The following SUGCT variants were observed in gnomAD, a reference collection of about 807,000 sequenced individuals.
SUGCT encodes succinyl-CoA:glutarate-CoA transferase.
A neutral mutation model predicts 55.0 loss-of-function variants in SUGCT; 41 were observed. The ratio of observed to expected loss-of-function variants is 0.74; its 90% CI spans 0.58 to 0.97. SUGCT has a LOEUF of 0.97. SUGCT is among the 50% of genes least tolerant of loss of function. SUGCT has a pLI of 0.00. For missense variants in SUGCT, 568 were observed against 547.8 expected (o/e 1.04, Z -0.37); for synonymous variants, 187 against 200.4 (o/e 0.93, Z 0.56).
intron 12 of SUGCT, among the ~76,000 whole-genome samples, chr7:40,673,873 A>T (rs775805253): frequency 6.6e-6 from 1 of 152,182 alleles, no homozygotes; most frequent in Non-Finnish European, 1.5e-5. Flanking sequence ...TCTTCCCTCA[A>T]TTATACAAAG....
intron 12 of SUGCT, among the ~76,000 whole-genome samples, chr7:40,681,969 C>T (rs1784265578): frequency 1.3e-5 from 2 of 152,098 alleles, no homozygotes; most frequent in Non-Finnish European, 2.9e-5. Context: ...AAAAACAAGT[C>T]AGGGGTGCAT....
chr7:40,382,913 G>C (rs2151285765), intron 9 of SUGCT, among the ~76,000 whole-genome samples: 1 of 152,234 alleles, frequency 6.6e-6, no homozygotes, highest in Non-Finnish European at 1.5e-5. Context: ...TGTCTGCTTT[G>C]TAAGATTTCA....
At chr7:40,205,532 T>C (rs1396232464) in intron 6 of SUGCT, among the ~76,000 whole-genome samples, 1 of 149,058 alleles carries the variant, frequency 6.7e-6, no homozygotes, top group Non-Finnish European at 1.5e-5. Context: ...TGCCAACTCC[T>C]TGGGAGGCTG....
chr7:40,894,160 T>C, the SUGCT span, among the ~76,000 whole-genome samples: 1 of 150,382 alleles, frequency 6.6e-6, no homozygotes, highest in South Asian at 2.1e-4. Flanking sequence ...CAGAATAGAG[T>C]CCAGAAATAA....
chr7:40,866,682 C>T, the SUGCT span, among the ~76,000 whole-genome samples: 1 of 151,782 alleles, frequency 6.6e-6, no homozygotes, highest in Admixed American at 6.6e-5. Flanking sequence ...CACCTCCAAG[C>T]CCACGTTTCC....
At chr7:40,756,010 G>T (rs1274135006) in intron 13 of SUGCT, among the ~76,000 whole-genome samples, 1 of 152,140 alleles carries the variant, frequency 6.6e-6, no homozygotes, top group Non-Finnish European at 1.5e-5. Context: ...ATGCATTAGT[G>T]TAGTTTGAAT....
chr7:40,840,247 A>T (rs191158464), intron 13 of SUGCT, among the ~76,000 whole-genome samples: 104 of 152,274 alleles, frequency 6.8e-4, no homozygotes, highest in African/African-American at 2.4e-3. Context: ...AAGTCTCATT[A>T]TGTGAATAAT....
At chr7:40,163,145 C>T (rs1233245523) in intron 1 of SUGCT, among the ~76,000 whole-genome samples, 1 of 152,110 alleles carries the variant, frequency 6.6e-6, no homozygotes, top group Non-Finnish European at 1.5e-5. Context: ...AGATCGAAGT[C>T]ATTTGACTCC....
chr7:40,595,177 T>C (rs891115091), intron 12 of SUGCT, among the ~76,000 whole-genome samples: 1 of 152,282 alleles, frequency 6.6e-6, no homozygotes, highest in South Asian at 2.1e-4. Context: ...TGAAAAACTA[T>C]TGTCCTCCAT....
the SUGCT span, among the ~76,000 whole-genome samples, chr7:40,940,934 A>T: frequency 1.3e-5 from 2 of 152,014 alleles, no homozygotes. Context: ...GAAAGTGGGT[A>T]TCCTTTTCTT....
At chr7:40,995,127 G>A in the SUGCT span, among the ~76,000 whole-genome samples, 2 of 152,062 alleles carry the variant, frequency 1.3e-5, no homozygotes, top group Non-Finnish European at 2.9e-5. Flanking sequence ...TGCAATGAAG[G>A]ATGCTGAAAA....
intron 9 of SUGCT, among the ~76,000 whole-genome samples, chr7:40,338,290 G>C (rs1420902725): frequency 6.6e-6 from 1 of 152,042 alleles, no homozygotes; most frequent in Non-Finnish European, 1.5e-5. Context: ...TTTGAATGTT[G>C]GCCTGCCTTG....
At position 40,274,073 on chromosome 7, in the gene SUGCT, C is replaced by CTTTTTTTTTTT. The variant is rs386409972; in HGVS notation, c.577-425_577-415dup. 4.6e-4 allele frequency among the ~76,000 whole-genome samples: 31 copies of CTTTTTTTTTTT among 68,010 alleles called. 3 individuals carry two copies. The highest frequency in any genetic ancestry group is 1.3e-3 in the Admixed American group (5 of 3,726). The allele number at this position is 68,010 out of a possible 152,430, so 44.6% of individuals were successfully genotyped here. ...GAGGTTTGACCAGATTTTTTACCTT[C>CTTTTTTTTTTT]TTTTTTTTTTTTTTTTTTTTTTTTT... On this transcript the variant is annotated intron_variant, in intron 7 of 13. Coordinates refer to ENST00000335693, the MANE Select transcript of SUGCT (RefSeq NM_001193313.2).
At chr7:40,220,910 G>A (rs1004846715) in intron 6 of SUGCT, among the ~76,000 whole-genome samples, 1 of 151,916 alleles carries the variant, frequency 6.6e-6, no homozygotes, top group East Asian at 1.9e-4. Context: ...AGGAAGTTAA[G>A]TTAATTGGTA....
chr7:40,731,393 T>A (rs1450151332), intron 12 of SUGCT, among the ~76,000 whole-genome samples: 3 of 152,310 alleles, frequency 2.0e-5, no homozygotes, highest in Non-Finnish European at 4.4e-5. Context: ...TTAGATAAGA[T>A]CAGGATCCTT....
At chr7:40,430,171 G>A (rs2151385286) in intron 9 of SUGCT, among the ~76,000 whole-genome samples, 1 of 152,240 alleles carries the variant, frequency 6.6e-6, no homozygotes, top group East Asian at 1.9e-4. Context: ...CATTTCCTTT[G>A]GGTATATGCT....
chr7:41,029,505 T>G, the SUGCT span, among the ~76,000 whole-genome samples: 2 of 152,154 alleles, frequency 1.3e-5, no homozygotes, highest in Non-Finnish European at 2.9e-5. Flanking sequence ...TAAAGCCCCT[T>G]GTCTCCCAGG....
chr7:40,713,380 A>G (rs1785831855), intron 12 of SUGCT, among the ~76,000 whole-genome samples: 3 of 152,162 alleles, frequency 2.0e-5, no homozygotes, highest in South Asian at 2.1e-4. Context: ...TCCTGTAGGT[A>G]TGATAACCCT....
chr7:40,401,509 G>A (rs1344217857), intron 9 of SUGCT, among the ~76,000 whole-genome samples: 1 of 152,156 alleles, frequency 6.6e-6, no homozygotes, highest in Non-Finnish European at 1.5e-5. Context: ...GACACTGTTA[G>A]GGCCCAAGCA....
Sources: gnomAD v4.1 joint callset for allele counts (sites outside exome capture counted in the v4.1 genomes callset) on GRCh38, gnomAD v4.1.1 for gene constraint, MANE v1.5 for transcripts, NCBI Gene and HGNC (gene_info 2026-07-23, HGNC 2026-07-21) for gene names.